Variants in TGFA observed in about 807,000 individuals in gnomAD.
The protein encoded by TGFA is transforming growth factor alpha.
In TGFA, 12 loss-of-function variants were observed where a neutral mutation model predicts 21.7. The observed-to-expected ratio is 0.55, with a 90% CI of 0.35 to 0.90. The LOEUF (loss-of-function observed/expected upper bound fraction) is 0.90, where lower values mean the gene tolerates loss of function less well. Among genes scored for constraint, TGFA ranks in the 40% least tolerant of loss-of-function variants. The pLI is 0.01. For synonymous variants in TGFA, 79 were observed against 88.1 expected, an observed-to-expected ratio of 0.90 and a Z score of 0.58; for missense variants, 178 against 210.8, an observed-to-expected ratio of 0.84 and a Z score of 0.96.
At chr2:70,519,094 T>C (rs1234640751) in intron 1 of TGFA, among the ~76,000 whole-genome samples, 1 of 152,102 alleles carries the variant, frequency 6.6e-6, no homozygotes, top group African/African-American at 2.4e-5. Flanking sequence ...AAGAACACGC[T>C]CAGGGCGGGA....
At chr2:70,533,635 T>TA (rs1672885162) in intron 1 of TGFA, among the ~76,000 whole-genome samples, 1 of 152,228 alleles carries the variant, frequency 6.6e-6, no homozygotes, top group African/African-American at 2.4e-5. Flanking sequence ...GCTGCTGGTC[T>TA]TGTTAACTGT....
intron 1 of TGFA, among the ~76,000 whole-genome samples, chr2:70,551,241 C>T (rs1194133306): frequency 6.6e-6 from 1 of 152,186 alleles, no homozygotes; most frequent in Non-Finnish European, 1.5e-5. Context: ...TCCGTGAACA[C>T]AGAGGAGGAA....
At chr2:70,502,584 T>A (rs1221974950) in intron 2 of TGFA, among the ~76,000 whole-genome samples, 1 of 152,156 alleles carries the variant, frequency 6.6e-6, no homozygotes, top group Non-Finnish European at 1.5e-5. Flanking sequence ...CCTCCCAAAG[T>A]GCTGGGATTA....
chr2:70,504,493 C>A (rs1168434532), intron 2 of TGFA, among the ~76,000 whole-genome samples: 1 of 113,854 alleles, frequency 8.8e-6, no homozygotes, highest in Admixed American at 8.4e-5. Flanking sequence ...TACACACACA[C>A]ACACACACAC....
At chr2:70,510,102 A>G (rs1321148916) in intron 2 of TGFA, among the ~76,000 whole-genome samples, 1 of 152,218 alleles carries the variant, frequency 6.6e-6, no homozygotes, top group Non-Finnish European at 1.5e-5. Flanking sequence ...TTTCTAAATC[A>G]TGCATTAAGC....
In TGFA at chr2:70,521,609, G is replaced by GTTTTTTTTTTT. The variant is rs797022948; in HGVS notation, c.41-6698_41-6697insAAAAAAAAAAA. 5.2e-3 allele frequency among the ~76,000 whole-genome samples: 408 copies of GTTTTTTTTTTT among 78,730 alleles called. 34 individuals carry two copies. The highest frequency in any genetic ancestry group is 0.014 in the South Asian group (28 of 2,066). The allele number at this position is 78,730 out of a possible 152,430, so 51.6% of individuals were successfully genotyped here. On this transcript the variant is annotated intron_variant, in intron 1 of 5. Coordinates refer to ENST00000295400, the MANE Select transcript of TGFA (RefSeq NM_003236.4). ...ACTATTGATAGTTTTTTTTGTTGTT[G>GTTTTTTTTTTT]TTTGTTTGTTTTTTTTTTTTTTTTT...
At chr2:70,533,142 G>A (rs1336396308) in intron 1 of TGFA, among the ~76,000 whole-genome samples, 5 of 152,078 alleles carry the variant, frequency 3.3e-5, no homozygotes, top group Non-Finnish European at 5.9e-5. Flanking sequence ...GATTACAGGC[G>A]TGAGCCGCCA....
At chr2:70,459,294 C>G (rs1670340392) in intron 3 of TGFA, among the ~76,000 whole-genome samples, 1 of 152,216 alleles carries the variant, frequency 6.6e-6, no homozygotes, top group South Asian at 2.1e-4. Context: ...ATAACATTCA[C>G]TGCAAGCATT....
chr2:70,532,295 C>T (rs365259), intron 1 of TGFA, among the ~76,000 whole-genome samples: 15,679 of 152,182 alleles, frequency 0.1, 1,110 homozygotes, highest in Middle Eastern at 0.2. Context: ...TTTGTTCTTG[C>T]TTTCTAATTA....
chr2:70,504,169 T>C (rs1671827413), intron 2 of TGFA, among the ~76,000 whole-genome samples: 1 of 151,544 alleles, frequency 6.6e-6, no homozygotes, highest in Admixed American at 6.6e-5. Context: ...ATCCCAACAC[T>C]GGGAGGCCGA....
chr2:70,477,251 A>G (rs1383128816), intron 2 of TGFA, among the ~76,000 whole-genome samples: 1 of 152,222 alleles, frequency 6.6e-6, no homozygotes. Context: ...CAAAATAATC[A>G]TTTAGAGAAG....
intron 1 of TGFA, among the ~76,000 whole-genome samples, chr2:70,532,175 C>T (rs1404511818): frequency 9.9e-5 from 15 of 152,254 alleles, no homozygotes; most frequent in African/African-American, 3.4e-4. Context: ...GAAAATAGCT[C>T]ATCAGGTGAT....
chr2:70,454,555 G>A (rs1170995358), intron 4 of TGFA, among the ~76,000 whole-genome samples: 2 of 152,234 alleles, frequency 1.3e-5, no homozygotes, highest in Non-Finnish European at 2.9e-5. Flanking sequence ...AGCCAGCCAG[G>A]TGGACTTGTC....
chr2:70,473,881 C>T (rs1460312018), intron 2 of TGFA, among the ~76,000 whole-genome samples: 1 of 152,110 alleles, frequency 6.6e-6, no homozygotes, highest in Non-Finnish European at 1.5e-5. Context: ...TATAGTGCTA[C>T]AGTTCTCTTG....
At chr2:70,494,587 A>G (rs1321749237) in intron 2 of TGFA, among the ~76,000 whole-genome samples, 1 of 152,180 alleles carries the variant, frequency 6.6e-6, no homozygotes, top group Non-Finnish European at 1.5e-5. Flanking sequence ...GTATTACCAA[A>G]TGGCTCTCAT....
rs970635888 is a variant in TGFA at position 70,448,063 on chromosome 2, C to A, written c.*2796G>T. On this transcript the variant is annotated 3_prime_UTR_variant, in exon 6 of 6. Coordinates refer to ENST00000295400, the MANE Select transcript of TGFA (RefSeq NM_003236.4). ...GTGAGTGGCAATCCCATCTTTTTCT[C>A]CTTTCTCAGGGAAAAGAACTCTAGG... 6.6e-6 allele frequency: 1 copy of A among 152,212 alleles called. No individual in the cohort carries two copies. The highest frequency in any genetic ancestry group is 2.4e-5 in the African/African-American group (1 of 41,458). 9.4% of individuals were successfully genotyped at this position (152,212 alleles called of 1,614,324 possible).
rs142086008 is a variant in TGFA, at chr2:70,455,972, C to A, written c.365+367G>T. 3.3e-5 allele frequency among the ~76,000 whole-genome samples: 5 copies of A among 152,332 alleles called. No homozygotes were observed. In the East Asian group the frequency reaches 9.7e-4, roughly 29 times the overall value. On this transcript the variant is annotated intron_variant, in intron 4 of 5. Transcript: ENST00000295400. ...AAGTGACTTCTGCAGAGAGGAAGTA[C>A]TTCTGGTGCTGATGGAAGGAGGCTA... is the stretch of plus-strand genomic sequence containing the variant.
At position 70,450,925 on chromosome 2, in the gene TGFA, AATAAGCTTAG is replaced by A. The variant is rs11466281; in HGVS notation, c.476-69_476-60del. The A allele has an allele frequency of 3.9e-5, 62 of 1,584,682 alleles. No individual in the cohort carries two copies. In the African/African-American group the frequency reaches 6.4e-4, roughly 16 times the overall value. On this transcript the variant is annotated intron_variant, in intron 5 of 5. Coordinates refer to ENST00000295400, the MANE Select transcript of TGFA (RefSeq NM_003236.4). ...GGCCACACCCTGGCCACGTTGGGAA[AATAAGCTTAG>A]GAAAGAGACTTGGAGATGGCAGAGC...
At chr2:70,463,321 G>A (rs532241388) in intron 3 of TGFA, among the ~76,000 whole-genome samples, 29 of 152,300 alleles carry the variant, frequency 1.9e-4, no homozygotes, top group Middle Eastern at 3.4e-3. Context: ...CGTGTATGAT[G>A]TGAATGTGGA....
Sources: allele counts gnomAD v4.1 joint callset (sites outside exome capture counted in the v4.1 genomes callset), GRCh38; gene constraint gnomAD v4.1.1; transcripts MANE v1.5; gene names NCBI Gene and HGNC (gene_info 2026-07-23, HGNC 2026-07-21).